Variants in ZNF552 observed in about 807,000 individuals in gnomAD.
The protein encoded by ZNF552 is zinc finger protein 552.
In ZNF552, 2 loss-of-function variants were observed where a neutral mutation model predicts 7.2. The ratio of observed to expected loss-of-function variants is 0.28; its 90% CI spans 0.11 to 0.88. The LOEUF is 0.88. Among genes scored for constraint, ZNF552 ranks in the 40% least tolerant of loss-of-function variants. The pLI is 0.60. For missense variants in ZNF552, 421 were observed against 493.4 expected (o/e 0.85, Z 1.39); for synonymous variants, 173 against 176.5 (o/e 0.98, Z 0.16).
At chr19:57,813,469 T>C (rs374706443) in intron 1 of ZNF552, 49 bp from the exon 2 acceptor site, 1 of 1,590,162 alleles carries the variant, frequency 6.3e-7, no homozygotes, top group African/African-American at 1.3e-5. Flanking sequence ...TATGCTGAGG[T>C]ATCACAATCC....
At position 57,812,985 on chromosome 19, in the gene ZNF552, A is replaced by G. The variant is rs1987884681; in HGVS notation, c.160+309T>C. ...GGAGGCATGAAGAAATAACAGGTAGAGGAATGAATTAGATCCCGAACCTGA... is the reference window on the plus strand; with the variant it reads ...GGAGGCATGAAGAAATAACAGGTAGGGGAATGAATTAGATCCCGAACCTGA... On this transcript the variant is annotated intron_variant, in intron 2 of 2. Coordinates refer to ENST00000391701, the MANE Select transcript of ZNF552 (RefSeq NM_024762.3). 5 of 432,478 alleles carry G rather than the reference A, an allele frequency of 1.2e-5. No individual in the cohort carries two copies. The South Asian group carries it at 1.8e-4, about 15-fold the overall frequency. 26.8% of individuals were successfully genotyped at this position (432,478 alleles called of 1,614,324 possible).
Position 57,807,312 on chromosome 19 carries a change from A to G in ZNF552, c.*728T>C, listed in dbSNP as rs929532717. On this transcript the variant is annotated 3_prime_UTR_variant, in exon 3 of 3. Coordinates refer to ENST00000391701, the MANE Select transcript of ZNF552 (RefSeq NM_024762.3). The stretch of plus-strand genomic sequence containing the variant: ...AGTGGCTCACGCCTGCAATCCCAAC[A>G]CTTTGAGAGGCCAAGGCGGGCAGAT... 2.0e-5 allele frequency: 3 copies of G among 152,236 alleles called. No homozygotes were observed. Among genetic ancestry groups the G allele is most frequent in the Non-Finnish European group, 4.4e-5 (3 of 68,054 alleles). The allele number at this position is 152,236 out of a possible 1,614,324, so 9.4% of individuals were successfully genotyped here. A position where few individuals can be genotyped will look rare whatever the true frequency, so the allele number is the denominator to read the frequency against.
At position 57,808,487 on chromosome 19, in the gene ZNF552, T is replaced by C. The variant is rs777798520; in HGVS notation, c.777A>G (p.Gln259=). The change falls in exon 3 of 3, where the codon CAA becomes CAG. Residue 259 remains glutamine (Q), a synonymous_variant. Coordinates refer to ENST00000391701, the MANE Select transcript of ZNF552 (RefSeq NM_024762.3). ...AAGGTTTTTCTCTAGTGTGAACTCC[T>C]TGATGATTACTGAAGCTGTCATATT... ...SSKYDSFSNH[Q]GVHTREKPYT... 4 of 1,613,908 alleles carry C rather than the reference T, an allele frequency of 2.5e-6. No individual in the cohort carries two copies. Among genetic ancestry groups the C allele is most frequent in the South Asian group, 1.1e-5 (1 of 91,054 alleles).
At chr19:57,814,556 C>T (rs1600092709) in intron 1 of ZNF552, 155 bp downstream of exon 1, 1 of 1,547,188 alleles carries the variant, frequency 6.5e-7, no homozygotes, top group East Asian at 2.4e-5. Flanking sequence ...CACCGCATCC[C>T]ACGGGTGTCT....
At chr19:57,812,780 G>A (rs1987881684) in intron 2 of ZNF552, among the ~76,000 whole-genome samples, 2 of 152,130 alleles carry the variant, frequency 1.3e-5, no homozygotes, top group Admixed American at 1.3e-4. Flanking sequence ...TGTCGGCCAG[G>A]CTGTTCTCGA....
At position 57,808,909 on chromosome 19, in the gene ZNF552, G is replaced by T; in HGVS notation, c.355C>A (p.His119Asn). 6.2e-7 allele frequency: 1 copy of T among 1,612,024 alleles called. No individual in the cohort carries two copies. Among genetic ancestry groups the T allele is most frequent in the Non-Finnish European group, 8.5e-7 (1 of 1,179,022 alleles). Residue 119 changes from histidine (H) to asparagine (N), a missense_variant, in exon 3 of 3, where the codon CAC becomes AAC. Coordinates refer to ENST00000391701, the MANE Select transcript of ZNF552 (RefSeq NM_024762.3). Reference protein sequence around the residue: ...HQGTHHKQKLHRCEAWGNKLY... With the variant: ...HQGTHHKQKLNRCEAWGNKLY... ...TTATTCCCCCAGGCCTCACACCTGT[G>T]CAGTTTCTGCTTGTGATGTGTTCCC...
In ZNF552 at chr19:57,814,838, C is replaced by A. The variant is rs1987930991; in HGVS notation, c.-95G>T. ...CAAAGAGAAGAACGACTCTCGACCTCCTGGATCCAGTCACCACCACGGTCC... is the reference window on the plus strand; with the variant it reads ...CAAAGAGAAGAACGACTCTCGACCTACTGGATCCAGTCACCACCACGGTCC... On this transcript the variant is annotated 5_prime_UTR_variant, in exon 1 of 3. Coordinates refer to ENST00000391701, the MANE Select transcript of ZNF552 (RefSeq NM_024762.3). 12 of 1,303,286 alleles carry A rather than the reference C, an allele frequency of 9.2e-6. No individual in the cohort carries two copies. Among genetic ancestry groups the A allele is most frequent in the Non-Finnish European group, 9.6e-6 (9 of 942,372 alleles). The allele number at this position is 1,303,286 out of a possible 1,614,324, so 80.7% of individuals were successfully genotyped here.
At position 57,808,778 on chromosome 19, in the gene ZNF552, C is replaced by A; in HGVS notation, c.486G>T (p.Leu162Phe). Reference sequence around the variant, plus strand: ...AGACAGATGACTCCCCTGACACATGCAACTTACACCTCTTCGCAAACAACG... The same window carrying A: ...AGACAGATGACTCCCCTGACACATGAAACTTACACCTCTTCGCAAACAACG... ...EEALFAKRCK[L>F]HVSGESSVFS... Residue 162 changes from leucine (L) to phenylalanine (F), a missense_variant, in exon 3 of 3, where the codon TTG becomes TTT. By Grantham distance (22) the Leu-to-Phe change is conservative. This residue lies in a region of ZNF552 where 299 missense variants were observed against 293.7 expected (regional missense o/e 1.02). Transcript: ENST00000391701. The A allele has an allele frequency of 6.2e-7, 1 of 1,614,206 alleles. No individual in the cohort carries two copies. Among genetic ancestry groups the A allele is most frequent in the Non-Finnish European group, 8.5e-7 (1 of 1,180,052 alleles).
At chr19:57,813,005 A>G (rs1215954207) in intron 2 of ZNF552, 2 of 469,794 alleles carry the variant, frequency 4.3e-6, no homozygotes, top group African/African-American at 3.8e-5. Flanking sequence ...TAGATCCCGA[A>G]CCTGAAATCT....
At chr19:57,813,452 C>A (rs771855545) in intron 1 of ZNF552, 32 bp from the exon 2 acceptor site, 1 of 1,607,788 alleles carries the variant, frequency 6.2e-7, no homozygotes, top group South Asian at 1.1e-5. Flanking sequence ...AAACCACAAA[C>A]CACCCCTATG....
In ZNF552 at chr19:57,809,039, C is replaced by G. The variant is rs558013122; in HGVS notation, c.225G>C (p.Glu75Asp). ...PSKQSIYIQR[E>D]TQVRTPMAGV... ...CTGCCATAGGAGTCCTGACCTGAGTCTCTCTTTGTATATAAATACTCTGCT... is the reference window on the plus strand; with the variant it reads ...CTGCCATAGGAGTCCTGACCTGAGTGTCTCTTTGTATATAAATACTCTGCT... Residue 75 changes from glutamate to aspartate, a missense_variant, in exon 3 of 3, where the codon GAG becomes GAC. This residue lies in a region of ZNF552 where 122 missense variants were observed against 199.7 expected (regional missense o/e 0.61). Transcript: ENST00000391701. The G allele has an allele frequency of 1.3e-6, 2 of 1,547,898 alleles. No individual in the cohort carries two copies. Among genetic ancestry groups the G allele is most frequent in the Admixed American group, 3.9e-5 (2 of 51,666 alleles).
intron 2 of ZNF552, among the ~76,000 whole-genome samples, chr19:57,810,146 A>G (rs1461805194): frequency 6.6e-6 from 1 of 151,318 alleles, no homozygotes; most frequent in African/African-American, 2.4e-5. Context: ...GAGGGGAGGG[A>G]AAGGGAGAAG....
At chr19:57,810,711 G>C (rs559346912) in intron 2 of ZNF552, among the ~76,000 whole-genome samples, 1 of 152,090 alleles carries the variant, frequency 6.6e-6, no homozygotes, top group Non-Finnish European at 1.5e-5. Context: ...ACAGCCCGAC[G>C]CCAGTAAAGG....
At chr19:57,812,162 C>T (rs1212671245) in intron 2 of ZNF552, among the ~76,000 whole-genome samples, 1 of 151,842 alleles carries the variant, frequency 6.6e-6, no homozygotes. Context: ...GATCAAGCTA[C>T]TGCACTCCAG....
intron 2 of ZNF552, among the ~76,000 whole-genome samples, chr19:57,811,703 G>A (rs1987860042): frequency 1.2e-5 from 1 of 85,218 alleles, no homozygotes; most frequent in Non-Finnish European, 2.1e-5. Context: ...CAACAAGAGC[G>A]AAACTCCATC....
intron 2 of ZNF552, 116 bp downstream of exon 2, chr19:57,813,178 G>C (rs1987889166): frequency 6.6e-7 from 1 of 1,524,934 alleles, no homozygotes; most frequent in South Asian, 1.3e-5. Flanking sequence ...TACCAACCAA[G>C]AACTGAAGTA....
Position 57,807,627 on chromosome 19 carries a change from A to G in ZNF552, c.*413T>C. Reference sequence around the variant, plus strand: ...ATACTTTATTGGATGTCATTTATATATTTTATTTTTGAAACAGGGTCTCAC... The same window carrying G: ...ATACTTTATTGGATGTCATTTATATGTTTTATTTTTGAAACAGGGTCTCAC... On this transcript the variant is annotated 3_prime_UTR_variant, in exon 3 of 3. Transcript: ENST00000391701. 6.1e-6 allele frequency: 1 copy of G among 164,140 alleles called. No individual in the cohort carries two copies. Among genetic ancestry groups the G allele is most frequent in the South Asian group, 1.8e-4 (1 of 5,702 alleles). The allele number at this position is 164,140 out of a possible 1,614,324, so 10.2% of individuals were successfully genotyped here. A position where few individuals can be genotyped will look rare whatever the true frequency, so the allele number is the denominator to read the frequency against.
chr19:57,814,331 C>T (rs999208694), intron 1 of ZNF552: 1 of 642,392 alleles, frequency 1.6e-6, no homozygotes. Context: ...CTTTAAAAGC[C>T]TGGACTTTGA....
rs1987772113 is a variant in ZNF552, at chr19:57,807,919, G to C, written c.*121C>G. ...ACTTGTAAGGACTCTTCTCTAGTGT[G>C]AACTCTCCAATATCCAAGGAGAGCA... is the stretch of plus-strand genomic sequence containing the variant. On this transcript the variant is annotated 3_prime_UTR_variant, in exon 3 of 3. Transcript: ENST00000391701. 1.5e-6 allele frequency: 2 copies of C among 1,297,220 alleles called. No individual in the cohort carries two copies. The highest frequency in any genetic ancestry group is 2.5e-5 in the Admixed American group (1 of 39,286). 80.4% of individuals were successfully genotyped at this position (1,297,220 alleles called of 1,614,324 possible). A position where few individuals can be genotyped will look rare whatever the true frequency, so the allele number is the denominator to read the frequency against.
Sources: gnomAD v4.1 joint callset for allele counts (sites outside exome capture counted in the v4.1 genomes callset) on GRCh38, gnomAD v4.1.1 for gene constraint, gnomAD v4.1.1 regional missense constraint, MANE v1.5 for transcripts, NCBI Gene and HGNC (gene_info 2026-07-23, HGNC 2026-07-21) for gene names.